The following DIS3L2 variants were observed in gnomAD, a reference collection of about 807,000 sequenced individuals.
DIS3L2 encodes DIS3 like 3'-5' exoribonuclease 2, also known as DIS3-like exonuclease 2.
A neutral mutation model predicts 97.5 loss-of-function variants in DIS3L2; 34 were observed. The observed-to-expected ratio is 0.35, with a 90% confidence interval of 0.27 to 0.46. The LOEUF is 0.46. Ranked by LOEUF, DIS3L2 falls within the 20% of genes least tolerant of loss-of-function variation. The probability of loss-of-function intolerance (pLI) is 1.00; values close to 1 mark genes in which losing one functional copy is unlikely to be tolerated. For missense variants in DIS3L2, 1,038 were observed against 1,146.0 expected, an observed-to-expected ratio of 0.91 and a Z score of 1.36; for synonymous variants, 435 against 445.2, an observed-to-expected ratio of 0.98 and a Z score of 0.29.
rs1574891732 is a variant in DIS3L2, at chr2:232,122,154, T to TC, written c.602-8465_602-8464insC. On this transcript the variant is annotated intron_variant, in intron 6 of 20. Coordinates refer to ENST00000325385, the MANE Select transcript of DIS3L2 (RefSeq NM_152383.5). ...CTGCCTATCTATGTAGTACCTTCTC[T>TC]TGTTCCTCCTTACTCTGCACAGCAT... is the stretch of plus-strand genomic sequence containing the variant. Among the ~76,000 whole-genome samples, 3 of 152,318 alleles carry TC rather than the reference T, an allele frequency of 2.0e-5. No individual in the cohort carries two copies. In the East Asian group the frequency reaches 5.8e-4, roughly 29 times the overall value.
chr2:232,067,618 T>C (rs1031221744), intron 5 of DIS3L2, among the ~76,000 whole-genome samples: 1 of 152,230 alleles, frequency 6.6e-6, no homozygotes, highest in African/African-American at 2.4e-5. Context: ...TTCAGTGTTA[T>C]GCTCTGTAAA....
At chr2:232,215,534 G>A (rs1023454015) in intron 10 of DIS3L2, among the ~76,000 whole-genome samples, 1 of 152,186 alleles carries the variant, frequency 6.6e-6, no homozygotes, top group Admixed American at 6.5e-5. Context: ...GGGGAGGATG[G>A]AGCAGACAGC....
rs574095057 is a variant in DIS3L2, at chr2:232,257,083, C to T, written c.1426-6124C>T. On this transcript the variant is annotated intron_variant, in intron 12 of 20. Transcript: ENST00000325385. ...CAGTGAGCCACCTGTGAAGAGAAAG[C>T]GAGCATTCTGCTGGGTGTATAAGTG... Among the ~76,000 whole-genome samples the T allele has an allele frequency of 4.7e-4, 72 of 152,298 alleles. 2 individuals are homozygous for T. Among genetic ancestry groups the T allele is most frequent in the African/African-American group, 1.7e-3 (69 of 41,568 alleles).
chr2:232,324,820 A>G (rs1267941232), intron 14 of DIS3L2, among the ~76,000 whole-genome samples: 1 of 152,200 alleles, frequency 6.6e-6, no homozygotes, highest in Non-Finnish European at 1.5e-5. Context: ...TTTTACAGGG[A>G]AACAAATTGA....
In DIS3L2 at chr2:232,086,630, C is replaced by T. The variant is rs200098502; in HGVS notation, c.367-857C>T. Among the ~76,000 whole-genome samples, 660 of 70,504 alleles carry T rather than the reference C, an allele frequency of 9.4e-3. 31 individuals carry two copies. The highest frequency in any genetic ancestry group is 0.048 in the East Asian group (52 of 1,076). 46.3% of individuals were successfully genotyped at this position (70,504 alleles called of 152,430 possible). A position where few individuals can be genotyped will look rare whatever the true frequency, so the allele number is the denominator to read the frequency against. ...GTGTGTGTGTATATATATATATATA[C>T]ACATATATATATATGTATATATATA... On this transcript the variant is annotated intron_variant, in intron 5 of 20. Coordinates refer to ENST00000325385, the MANE Select transcript of DIS3L2 (RefSeq NM_152383.5).
At chr2:232,163,099 G>A (rs182808108) in intron 8 of DIS3L2, among the ~76,000 whole-genome samples, 5 of 152,190 alleles carry the variant, frequency 3.3e-5, no homozygotes, top group South Asian at 2.1e-4. Flanking sequence ...ATGACTTAAC[G>A]TACAGGCACT....
At chr2:232,148,627 G>A (rs1426699942) in intron 8 of DIS3L2, among the ~76,000 whole-genome samples, 1 of 151,488 alleles carries the variant, frequency 6.6e-6, no homozygotes, top group Non-Finnish European at 1.5e-5. Flanking sequence ...GAGCCATGTT[G>A]TAATTTGAGT....
chr2:232,105,014 C>T (rs1217643878), intron 6 of DIS3L2, among the ~76,000 whole-genome samples: 2 of 152,150 alleles, frequency 1.3e-5, no homozygotes. Flanking sequence ...GATGGGGTTT[C>T]ACTATGTTGC....
At chr2:232,048,398 A>G (rs1052930348) in intron 5 of DIS3L2, among the ~76,000 whole-genome samples, 7 of 152,088 alleles carry the variant, frequency 4.6e-5, no homozygotes, top group Admixed American at 4.6e-4. Context: ...CTTCTGGAGC[A>G]TCAAAAGTTC....
intron 6 of DIS3L2, among the ~76,000 whole-genome samples, chr2:232,094,281 T>C (rs1450315125): frequency 1.3e-5 from 2 of 152,198 alleles, no homozygotes; most frequent in Admixed American, 6.5e-5. Context: ...AGGAAAAGAA[T>C]GTGTATTCTG....
intron 14 of DIS3L2, among the ~76,000 whole-genome samples, chr2:232,321,605 T>TG (rs1695434157): frequency 6.6e-6 from 1 of 152,010 alleles, no homozygotes; most frequent in Non-Finnish European, 1.5e-5. Context: ...CAGGGCGCCT[T>TG]CGGCAGTGAC....
At chr2:231,999,892 T>C (rs1306269888) in intron 1 of DIS3L2, among the ~76,000 whole-genome samples, 1 of 152,190 alleles carries the variant, frequency 6.6e-6, no homozygotes, top group African/African-American at 2.4e-5. Flanking sequence ...GTGGAATGAC[T>C]AGATCAAGCT....
chr2:232,342,735 A>G (rs1696139616), intron 13 of DIS3L2, among the ~76,000 whole-genome samples: 1 of 152,212 alleles, frequency 6.6e-6, no homozygotes, highest in Non-Finnish European at 1.5e-5. Flanking sequence ...CATGGCAGTG[A>G]CAAATCCTCA....
chr2:232,329,039 T>A (rs1413878839), intron 14 of DIS3L2: 2 of 152,326 alleles, frequency 1.3e-5, no homozygotes, highest in Non-Finnish European at 2.9e-5. Flanking sequence ...TCAGTCCTTC[T>A]GTGGGGAGCC....
chr2:232,304,020 A>G (rs1306214852), intron 14 of DIS3L2, among the ~76,000 whole-genome samples: 1 of 151,808 alleles, frequency 6.6e-6, no homozygotes, highest in Admixed American at 6.6e-5. Context: ...AAGCTGTCCT[A>G]TGGTGCCTTG....
At chr2:232,008,167 C>T (rs974694135) in intron 1 of DIS3L2, among the ~76,000 whole-genome samples, 2 of 151,292 alleles carry the variant, frequency 1.3e-5, no homozygotes, top group African/African-American at 4.9e-5. Context: ...TGTATGCCAC[C>T]ATGTCCATCT....
At chr2:232,279,682 CCA>C (rs1694234011) in intron 13 of DIS3L2, among the ~76,000 whole-genome samples, 1 of 152,130 alleles carries the variant, frequency 6.6e-6, no homozygotes, top group Admixed American at 6.5e-5. Context: ...ACAACCACCA[CCA>C]CGCCCGGCTA....
At chr2:232,035,776 A>G (rs978611562) in intron 5 of DIS3L2, among the ~76,000 whole-genome samples, 3 of 152,152 alleles carry the variant, frequency 2.0e-5, no homozygotes, top group Admixed American at 6.6e-5. Flanking sequence ...GTTTGGCTGG[A>G]TATGAATTCT....
intron 5 of DIS3L2, among the ~76,000 whole-genome samples, chr2:232,040,055 G>A (rs1364687378): frequency 6.6e-6 from 1 of 152,174 alleles, no homozygotes; most frequent in Admixed American, 6.5e-5. Flanking sequence ...GGTACGGTTT[G>A]CAGGATGGAA....
Sources: gnomAD v4.1 joint callset for allele counts (sites outside exome capture counted in the v4.1 genomes callset) on GRCh38, gnomAD v4.1.1 for gene constraint, MANE v1.5 for transcripts, NCBI Gene and HGNC (gene_info 2026-07-23, HGNC 2026-07-21) for gene names.